Variants in GALNT13 observed in about 807,000 individuals in gnomAD.
The protein encoded by GALNT13 is polypeptide N-acetylgalactosaminyltransferase 13.
A neutral mutation model predicts 64.2 loss-of-function variants in GALNT13; 28 were observed. The observed-to-expected ratio is 0.44, with a 90% CI of 0.32 to 0.60. The LOEUF (loss-of-function observed/expected upper bound fraction) is 0.60. Among genes scored for constraint, GALNT13 ranks in the 20% least tolerant of loss-of-function variants. GALNT13 has a pLI of 0.05. For synonymous variants in GALNT13, 214 were observed against 224.6 expected (o/e 0.95, Z 0.42); for missense variants, 577 against 669.8 (o/e 0.86, Z 1.53).
chr2:153,265,770 G>A, the GALNT13 span, among the ~76,000 whole-genome samples: 1 of 152,146 alleles, frequency 6.6e-6, no homozygotes, highest in South Asian at 2.1e-4. Flanking sequence ...TCCTCTTCCA[G>A]AACAAGGTTT....
the GALNT13 span, among the ~76,000 whole-genome samples, chr2:153,219,246 G>T: frequency 6.6e-6 from 1 of 152,094 alleles, no homozygotes; most frequent in Non-Finnish European, 1.5e-5. Flanking sequence ...AGAATTGTAA[G>T]CACAAATGAA....
intron 3 of GALNT13, among the ~76,000 whole-genome samples, chr2:154,105,941 CAT>C (rs1472979862): frequency 6.6e-6 from 1 of 152,124 alleles, no homozygotes; most frequent in Non-Finnish European, 1.5e-5. Context: ...CTGTGGCACT[CAT>C]ATAATCAGTA....
chr2:153,669,454 A>G, the GALNT13 span, among the ~76,000 whole-genome samples: 1 of 152,238 alleles, frequency 6.6e-6, no homozygotes, highest in Non-Finnish European at 1.5e-5. Context: ...CACTCATGAC[A>G]CACAATTTAC....
chr2:153,309,809 A>C, the GALNT13 span, among the ~76,000 whole-genome samples: 1 of 152,148 alleles, frequency 6.6e-6, no homozygotes, highest in African/African-American at 2.4e-5. Context: ...GCATATACCT[A>C]GGTAAATACC....
intron 10 of GALNT13, among the ~76,000 whole-genome samples, chr2:154,400,003 G>A (rs1009640666): frequency 1.6e-4 from 24 of 152,206 alleles, no homozygotes; most frequent in Non-Finnish European, 2.9e-4. Context: ...TAGCCTTAAA[G>A]AAATGCAATC....
the GALNT13 span, among the ~76,000 whole-genome samples, chr2:153,103,018 C>T: frequency 1.3e-5 from 2 of 152,038 alleles, no homozygotes; most frequent in African/African-American, 2.4e-5. Flanking sequence ...GAAACGACCT[C>T]CCAACTAGTC....
At chr2:153,256,807 G>A in the GALNT13 span, among the ~76,000 whole-genome samples, 172 of 152,332 alleles carry the variant, frequency 1.1e-3, no homozygotes, top group African/African-American at 4.0e-3. Flanking sequence ...CAGTCTGCCT[G>A]TTCTCAGATC....
At chr2:154,164,901 G>A (rs1684941402) in intron 4 of GALNT13, among the ~76,000 whole-genome samples, 1 of 151,992 alleles carries the variant, frequency 6.6e-6, no homozygotes, top group African/African-American at 2.4e-5. Flanking sequence ...ACAGCAGTTG[G>A]GTCTTGTTTT....
chr2:153,653,808 G>A, the GALNT13 span, among the ~76,000 whole-genome samples: 1 of 151,930 alleles, frequency 6.6e-6, no homozygotes, highest in Non-Finnish European at 1.5e-5. Flanking sequence ...AATATATTTT[G>A]GAATAATCAA....
At chr2:153,831,271 G>C in the GALNT13 span, among the ~76,000 whole-genome samples, 1 of 152,052 alleles carries the variant, frequency 6.6e-6, no homozygotes, top group African/African-American at 2.4e-5. Flanking sequence ...AATGTACTTA[G>C]GAAAAGTGCC....
At chr2:154,361,739 G>A (rs1381310311) in intron 9 of GALNT13, among the ~76,000 whole-genome samples, 3 of 151,940 alleles carry the variant, frequency 2.0e-5, no homozygotes, top group Non-Finnish European at 4.4e-5. Context: ...TAATTTCTGG[G>A]CCTTTGAATG....
chr2:153,528,086 T>C, the GALNT13 span, among the ~76,000 whole-genome samples: 1 of 151,756 alleles, frequency 6.6e-6, no homozygotes, highest in African/African-American at 2.4e-5. Flanking sequence ...TCAATAATAA[T>C]ATTGAATGTA....
the GALNT13 span, among the ~76,000 whole-genome samples, chr2:153,376,562 T>C: frequency 6.6e-6 from 1 of 152,012 alleles, no homozygotes; most frequent in African/African-American, 2.4e-5. Flanking sequence ...AATGCATGGG[T>C]TGAACACATA....
downstream of GALNT13, among the ~76,000 whole-genome samples, chr2:154,456,433 G>T (rs1702033821): frequency 1.3e-5 from 2 of 151,574 alleles, no homozygotes; most frequent in Admixed American, 1.3e-4. Flanking sequence ...TTTTCCTTTG[G>T]TATATATTGC....
At chr2:153,660,602 A>G in the GALNT13 span, among the ~76,000 whole-genome samples, 1 of 150,264 alleles carries the variant, frequency 6.7e-6, no homozygotes, top group African/African-American at 2.4e-5. Flanking sequence ...ATATGATAAT[A>G]TATACACATT....
At chr2:153,726,655 C>T in the GALNT13 span, among the ~76,000 whole-genome samples, 6 of 151,984 alleles carry the variant, frequency 3.9e-5, no homozygotes, top group Admixed American at 2.0e-4. Context: ...TTAAGAAACA[C>T]GTATGGCCGG....
the GALNT13 span, among the ~76,000 whole-genome samples, chr2:153,178,367 C>A: frequency 6.6e-6 from 1 of 152,094 alleles, no homozygotes; most frequent in East Asian, 1.9e-4. Context: ...TTAGCGAACA[C>A]GTTTTCTCTT....
rs138171740 is a variant in GALNT13 at position 154,441,139 on chromosome 2, T to G, written c.1530+2413T>G. On this transcript the variant is annotated intron_variant, in intron 12 of 12. Coordinates refer to ENST00000392825, the MANE Select transcript of GALNT13 (RefSeq NM_052917.4). ...ATATTTACATTTGAAAAGGACAGGG[T>G]CAAATATCTATGTATCTTCCATAGT... Among the ~76,000 whole-genome samples, 1,492 of 152,192 alleles carry G rather than the reference T, an allele frequency of 9.8e-3. 25 individuals carry two copies. The highest frequency in any genetic ancestry group is 0.034 in the African/African-American group (1,402 of 41,536).
chr2:153,868,087 G>A (rs1357103068), upstream of GALNT13, among the ~76,000 whole-genome samples: 3 of 152,134 alleles, frequency 2.0e-5, no homozygotes, highest in Non-Finnish European at 4.4e-5. Flanking sequence ...CTGCTAGACA[G>A]TGCTAGGCAT....
Sources: allele counts gnomAD v4.1 joint callset (sites outside exome capture counted in the v4.1 genomes callset), GRCh38; gene constraint gnomAD v4.1.1; transcripts MANE v1.5; gene names NCBI Gene and HGNC (gene_info 2026-07-23, HGNC 2026-07-21).